USP13: variants seen among roughly 807,000 people sequenced by gnomAD.
The protein encoded by USP13 is ubiquitin carboxyl-terminal hydrolase 13.
A neutral mutation model predicts 107.8 loss-of-function variants in USP13; 68 were observed. The observed-to-expected ratio is 0.63, with a 90% CI of 0.52 to 0.77. USP13 has a LOEUF of 0.77. Among genes scored for constraint, USP13 ranks in the 30% least tolerant of loss-of-function variants. The pLI, the probability that USP13 is intolerant of heterozygous loss-of-function variation, is 0.00. For missense variants in USP13, 945 were observed against 1,093.3 expected (o/e 0.86, Z 1.91); for synonymous variants, 377 against 389.5 (o/e 0.97, Z 0.38).
At chr3:179,777,205 T>TG (rs751725439) in intron 19 of USP13, among the ~76,000 whole-genome samples, 22 of 151,998 alleles carry the variant, frequency 1.4e-4, no homozygotes, top group Non-Finnish European at 2.1e-4. Flanking sequence ...AAAATGCTTT[T>TG]GGGGGGGCTT....
intron 10 of USP13, among the ~76,000 whole-genome samples, chr3:179,733,152 G>T (rs1008832912): frequency 1.3e-5 from 2 of 152,136 alleles, no homozygotes. Context: ...TTGGATTTGT[G>T]ACCCTTGATC....
chr3:179,703,869 G>A (rs1173498982), intron 4 of USP13, among the ~76,000 whole-genome samples: 2 of 152,180 alleles, frequency 1.3e-5, no homozygotes, highest in African/African-American at 2.4e-5. Context: ...TTATTTAGTC[G>A]TAAGTTTTTA....
At chr3:179,723,620 G>C (rs2108496762) in intron 8 of USP13, among the ~76,000 whole-genome samples, 1 of 152,188 alleles carries the variant, frequency 6.6e-6, no homozygotes, top group East Asian at 1.9e-4. Context: ...CCCTAGTCTT[G>C]TTTCAAGAGT....
chr3:179,734,623 A>T (rs1713921957), intron 10 of USP13, among the ~76,000 whole-genome samples: 1 of 152,212 alleles, frequency 6.6e-6, no homozygotes, highest in South Asian at 2.1e-4. Context: ...TTCCTAGGTT[A>T]GACACATGTA....
intron 1 of USP13, among the ~76,000 whole-genome samples, chr3:179,670,506 A>G (rs552385516): frequency 2.5e-3 from 373 of 152,110 alleles, no homozygotes; most frequent in African/African-American, 8.6e-3. Context: ...ACTAGAGTAC[A>G]GTGTTCCCGA....
chr3:179,708,175 C>T (rs1712790382), intron 5 of USP13, among the ~76,000 whole-genome samples: 2 of 152,192 alleles, frequency 1.3e-5, no homozygotes, highest in African/African-American at 4.8e-5. Context: ...AAATGAACTC[C>T]TCTCCTAGCC....
At chr3:179,766,592 T>TA (rs1560080175) in intron 19 of USP13, among the ~76,000 whole-genome samples, 1 of 152,232 alleles carries the variant, frequency 6.6e-6, no homozygotes, top group East Asian at 1.9e-4. Context: ...AGAGGCGCCA[T>TA]AGGCCGTTGT....
intron 8 of USP13, among the ~76,000 whole-genome samples, chr3:179,723,890 T>C (rs536311636): frequency 6.6e-6 from 1 of 152,090 alleles, no homozygotes; most frequent in Non-Finnish European, 1.5e-5. Flanking sequence ...TGGTGGCTCA[T>C]ACCTGTAAAC....
At chr3:179,723,343 C>T (rs1263410105) in intron 8 of USP13, among the ~76,000 whole-genome samples, 1 of 152,142 alleles carries the variant, frequency 6.6e-6, no homozygotes, top group African/African-American at 2.4e-5. Flanking sequence ...TTCTTTTCTG[C>T]TAAGCAGTGT....
intron 2 of USP13, among the ~76,000 whole-genome samples, chr3:179,686,486 C>T (rs745900848): frequency 3.3e-5 from 5 of 152,104 alleles, no homozygotes; most frequent in African/African-American, 4.8e-5. Context: ...GAGGCTGAGG[C>T]GGGAGGAATA....
chr3:179,718,971 C>T (rs906063126), intron 6 of USP13, among the ~76,000 whole-genome samples: 20 of 152,026 alleles, frequency 1.3e-4, no homozygotes, highest in Admixed American at 2.0e-4. Flanking sequence ...TAGCCAGGAT[C>T]ATCTGGATCT....
chr3:179,731,907 T>C (rs1713821542), intron 10 of USP13, among the ~76,000 whole-genome samples: 2 of 152,168 alleles, frequency 1.3e-5, no homozygotes, highest in Non-Finnish European at 2.9e-5. Flanking sequence ...AGCCAATACC[T>C]GTAGACTGAG....
intron 12 of USP13, among the ~76,000 whole-genome samples, chr3:179,744,012 T>TA (rs1247742621): frequency 1.3e-5 from 2 of 151,058 alleles, no homozygotes; most frequent in Non-Finnish European, 1.5e-5. Context: ...TACAGGCTAG[T>TA]TTCCAGGACC....
rs1560050064 is a variant in USP13 at position 179,690,292 on chromosome 3, A to AT, written c.353dup (p.Leu118PhefsTer6). Reference sequence around the variant, plus strand: ...GTTACCAAAAAGGAGGAATTCCAAGATTTTTTTAGGTAAATAGTTATCAGT... The same window carrying AT: ...GTTACCAAAAAGGAGGAATTCCAAGATTTTTTTTAGGTAAATAGTTATCAGT... On this transcript the variant is annotated frameshift_variant, in exon 3 of 21. Transcript: ENST00000263966. LOFTEE classifies it high-confidence loss of function. 1.2e-6 allele frequency: 2 copies of AT among 1,613,768 alleles called. No homozygotes were observed. Among genetic ancestry groups the AT allele is most frequent in the South Asian group, 2.2e-5 (2 of 91,032 alleles).
chr3:179,706,906 A>G (rs1560056017), intron 4 of USP13, 28 bp from the exon 5 acceptor site: 3 of 1,587,108 alleles, frequency 1.9e-6, no homozygotes, highest in South Asian at 1.2e-5. Flanking sequence ...AACTGTTTTT[A>G]TATATTACAT....
At chr3:179,743,708 G>A (rs1714288684) in intron 12 of USP13, among the ~76,000 whole-genome samples, 1 of 151,492 alleles carries the variant, frequency 6.6e-6, no homozygotes, top group Non-Finnish European at 1.5e-5. Context: ...TTTTAACTCT[G>A]TTTATCATTT....
chr3:179,765,760 T>A lies in USP13; in HGVS notation c.2325T>A (p.Asp775Glu), dbSNP rs1715153622. 9 of 1,614,168 alleles carry A rather than the reference T, an allele frequency of 5.6e-6. No homozygotes were observed. Among genetic ancestry groups the A allele is most frequent in the Non-Finnish European group, 7.6e-6 (9 of 1,180,026 alleles). ...FSHPEFEEDSDFVIEMENNAN... is the reference protein window; with the variant it reads ...FSHPEFEEDSEFVIEMENNAN... ...ACCCTGAGTTTGAAGAAGACAGTGATTTTGTGATTGAGATGGAGAATAATG... is the reference window on the plus strand; with the variant it reads ...ACCCTGAGTTTGAAGAAGACAGTGAATTTGTGATTGAGATGGAGAATAATG... The change falls in exon 19 of 21, where the codon GAT becomes GAA. Residue 775 changes from aspartate to glutamate, a missense_variant. By Grantham distance (45) the Asp-to-Glu change is conservative. Transcript: ENST00000263966.
intron 14 of USP13, among the ~76,000 whole-genome samples, chr3:179,753,321 T>A (rs1360605523): frequency 2.3e-4 from 35 of 152,190 alleles, no homozygotes; most frequent in Non-Finnish European, 1.5e-5. Flanking sequence ...CTGTTACTGA[T>A]CCTGCAGGAG....
chr3:179,773,613 A>C (rs1249739166), intron 19 of USP13, among the ~76,000 whole-genome samples: 1 of 152,236 alleles, frequency 6.6e-6, no homozygotes, highest in Non-Finnish European at 1.5e-5. Context: ...ATGAACACAT[A>C]TCACAGATTT....
Sources: gnomAD v4.1 joint callset for allele counts (sites outside exome capture counted in the v4.1 genomes callset) on GRCh38, gnomAD v4.1.1 for gene constraint, MANE v1.5 for transcripts, NCBI Gene and HGNC (gene_info 2026-07-23, HGNC 2026-07-21) for gene names.